IFT140: variants seen among roughly 807,000 people sequenced by gnomAD.
IFT140 encodes the protein intraflagellar transport protein 140 homolog.
Under a neutral mutation model 164.6 loss-of-function variants are expected in IFT140, and 133 were observed. The observed-to-expected ratio is 0.81, with a 90% CI of 0.70 to 0.93. The LOEUF (loss-of-function observed/expected upper bound fraction) is 0.93, where lower values mean the gene tolerates loss of function less well. IFT140 is among the 40% of genes least tolerant of loss of function. IFT140 has a pLI of 0.00. For synonymous variants in IFT140, 860 were observed against 817.3 expected (o/e 1.05, Z -0.89); for missense variants, 2,045 against 1,972.3 (o/e 1.04, Z -0.70).
intron 30 of IFT140, among the ~76,000 whole-genome samples, chr16:1,515,257 G>A (rs1004937539): frequency 1.3e-5 from 2 of 152,118 alleles, no homozygotes; most frequent in Non-Finnish European, 2.9e-5. Flanking sequence ...ACAAATTCAA[G>A]AAGAAAGTCA....
At chr16:1,585,743 G>T (rs1319287400) in intron 10 of IFT140, among the ~76,000 whole-genome samples, 1 of 150,250 alleles carries the variant, frequency 6.7e-6, no homozygotes, top group Admixed American at 6.6e-5. Context: ...AATAGGTTCA[G>T]AGTCATTTAT....
intron 3 of IFT140, among the ~76,000 whole-genome samples, chr16:1,605,069 G>C (rs1442659054): frequency 6.6e-6 from 1 of 152,156 alleles, no homozygotes; most frequent in Non-Finnish European, 1.5e-5. Context: ...GGAGATGTAT[G>C]TCTGCAAGCC....
At chr16:1,594,798 G>A (rs552580977) in intron 4 of IFT140, among the ~76,000 whole-genome samples, 3 of 152,192 alleles carry the variant, frequency 2.0e-5, no homozygotes, top group African/African-American at 4.8e-5. Flanking sequence ...GTCCGTGTGC[G>A]TGGCTCTTCC....
At chr16:1,550,910 T>C (rs927200394) in intron 19 of IFT140, among the ~76,000 whole-genome samples, 5 of 152,222 alleles carry the variant, frequency 3.3e-5, no homozygotes, top group African/African-American at 1.2e-4. Flanking sequence ...AACAGGCCTG[T>C]TGAGTACAGG....
chr16:1,602,310 C>A, intron 4 of IFT140, 60 bp downstream of exon 4: 1 of 1,444,564 alleles, frequency 6.9e-7, no homozygotes, highest in South Asian at 1.2e-5. Flanking sequence ...CTTTCATACT[C>A]TCGAGCATGG....
intron 12 of IFT140, 33 bp from the exon 13 acceptor site, chr16:1,580,883 C>T (rs374985665): frequency 2.6e-5 from 38 of 1,447,134 alleles, no homozygotes; most frequent in Non-Finnish European, 3.2e-5. Flanking sequence ...GGATGGCGGC[C>T]GCTCATCCGC....
At position 1,523,937 on chromosome 16, in the gene IFT140, T is replaced by C. The variant is rs554906198; in HGVS notation, c.3161A>G (p.Gln1054Arg). 6.2e-6 allele frequency: 10 copies of C among 1,612,690 alleles called. No homozygotes were observed. The South Asian group carries it at 1.1e-4, about 18-fold the overall frequency. The change falls in exon 25 of 31, where the codon CAG becomes CGG. Residue 1054 changes from glutamine to arginine, a missense_variant. By Grantham distance (43) the Gln-to-Arg change is conservative. Coordinates refer to ENST00000426508, the MANE Select transcript of IFT140 (RefSeq NM_014714.4). Reference protein sequence around the residue: ...RLCKENGLDDQLMNLALLSSP... With the variant: ...RLCKENGLDDRLMNLALLSSP... The stretch of plus-strand genomic sequence containing the variant: ...GCTCAGCAGGGCCAAGTTCATGAGC[T>C]GGTCGTCCAGGCCGTTCTCCTGCAG...
At chr16:1,517,129 G>C (rs1281865534) in intron 30 of IFT140, among the ~76,000 whole-genome samples, 1 of 152,202 alleles carries the variant, frequency 6.6e-6, no homozygotes, top group East Asian at 1.9e-4. Flanking sequence ...CCAGCACTTT[G>C]GGAGGTGGAG....
At position 1,558,118 on chromosome 16, in the gene IFT140, C is replaced by G; in HGVS notation, c.2216G>C (p.Arg739Thr). The change falls in exon 19 of 31, where the codon AGA becomes ACA. Residue 739 changes from arginine (R) to threonine (T), a missense_variant. Transcript: ENST00000426508. ...YFTRKPEEAD[R>T]EDEVEPGCHH... is the part of the protein sequence containing the mutation. Reference sequence around the variant, plus strand: ...GCACCCAGGCTCCACCTCGTCTTCTCTGTCTGCTTCTTCGGGCTAAATGAC... The same window carrying G: ...GCACCCAGGCTCCACCTCGTCTTCTGTGTCTGCTTCTTCGGGCTAAATGAC... The G allele has an allele frequency of 1.2e-6, 2 of 1,614,136 alleles. No individual in the cohort carries two copies. Among genetic ancestry groups the G allele is most frequent in the South Asian group, 2.2e-5 (2 of 91,084 alleles).
rs1482988685 is a variant in IFT140, at chr16:1,553,508, G to A, written c.2399+4427C>T. On this transcript the variant is annotated intron_variant, in intron 19 of 30. Coordinates refer to ENST00000426508, the MANE Select transcript of IFT140 (RefSeq NM_014714.4). The surrounding 1 kb of genome is among the most constrained non-coding windows in gnomAD (Gnocchi z 4.4). The stretch of plus-strand genomic sequence containing the variant: ...AGCAGTGGGGCTCGGCGTGGCCGGA[G>A]CCTGGGGAGGGACATGGACAAGTCC... 2.0e-6 allele frequency: 2 copies of A among 992,654 alleles called. No individual in the cohort carries two copies. 61.5% of individuals were successfully genotyped at this position (992,654 alleles called of 1,614,324 possible).
chr16:1,513,732 GGT>G, intron 30 of IFT140, among the ~76,000 whole-genome samples: 2 of 150,282 alleles, frequency 1.3e-5, no homozygotes, highest in African/African-American at 2.4e-5. Context: ...GGAGTGCAGT[GGT>G]GCGATCTCTG....
At chr16:1,512,161 G>C (rs1383904053) in intron 30 of IFT140, among the ~76,000 whole-genome samples, 6 of 117,330 alleles carry the variant, frequency 5.1e-5, no homozygotes, top group African/African-American at 2.1e-4. Flanking sequence ...GTGAGGGGTG[G>C]TGGGGGGCAG....
rs547791482 is a variant in IFT140, at chr16:1,512,768, C to T, written c.4183-1618G>A. Among the ~76,000 whole-genome samples the T allele has an allele frequency of 1.5e-3, 221 of 152,246 alleles. 1 individual carries two copies. The highest frequency in any genetic ancestry group is 4.9e-3 in the African/African-American group (202 of 41,548). ...TTGTGCCACCGCACTCCAGCCTGGG[C>T]GACAGAGCAAGACCTCGTCTCAAAA... is the stretch of plus-strand genomic sequence containing the variant. On this transcript the variant is annotated intron_variant, in intron 30 of 30. Coordinates refer to ENST00000426508, the MANE Select transcript of IFT140 (RefSeq NM_014714.4).
chr16:1,571,419 T>A lies in IFT140; in HGVS notation c.1640A>T (p.Asp547Val). ...AAAAAAAATTTACCTTCGGGAAAGA[T>A]CAAAGCTTTTAAAGTGAGCCAAGTC... ...GTDLAHFKSF[D>V]LSRREAKAHC... The change falls in exon 14 of 31, where the codon GAT (aspartate) becomes GTT (valine). Residue 547 changes from aspartate to valine, a missense_variant. Coordinates refer to ENST00000426508, the MANE Select transcript of IFT140 (RefSeq NM_014714.4). The A allele has an allele frequency of 1.2e-6, 2 of 1,611,644 alleles. No homozygotes were observed. Among genetic ancestry groups the A allele is most frequent in the Non-Finnish European group, 1.7e-6 (2 of 1,179,412 alleles).
chr16:1,513,891 T>A (rs1449767995), intron 30 of IFT140, among the ~76,000 whole-genome samples: 2 of 142,012 alleles, frequency 1.4e-5, no homozygotes, highest in African/African-American at 5.4e-5. Flanking sequence ...GCCAAGATGG[T>A]CTCCATCTCC....
intron 29 of IFT140, among the ~76,000 whole-genome samples, chr16:1,519,543 C>T (rs2040457922): frequency 6.6e-6 from 1 of 152,102 alleles, no homozygotes; most frequent in South Asian, 2.1e-4. Context: ...CACACAGCGG[C>T]ACTCACTCAG....
Position 1,526,018 on chromosome 16 carries a change from G to A in IFT140, c.2637C>T (p.Tyr879=), listed in dbSNP as rs745692464. 1 of 1,602,082 alleles carries A rather than the reference G, an allele frequency of 6.2e-7. No homozygotes were observed. Among genetic ancestry groups the A allele is most frequent in the Non-Finnish European group, 8.5e-7 (1 of 1,174,736 alleles). Residue 879 remains tyrosine, a synonymous_variant, in exon 21 of 31, where the codon TAC becomes TAT. Transcript: ENST00000426508. ...CKRHDLLNKF[Y]QAAGRWQEAL... ...CCTCCTGCCACCGGCCCGCAGCCTG[G>A]TAGAACTTGTTCAGGAGGTCGTGGC...
chr16:1,603,727 C>T (rs540860492), intron 3 of IFT140, among the ~76,000 whole-genome samples: 4 of 152,254 alleles, frequency 2.6e-5, no homozygotes, highest in African/African-American at 7.2e-5. Context: ...ATGATCTGCC[C>T]GCCTCGGCCT....
chr16:1,602,650 C>T, intron 3 of IFT140, 59 bp from the exon 4 acceptor site: 1 of 1,530,768 alleles, frequency 6.5e-7, no homozygotes, highest in Non-Finnish European at 8.9e-7. Context: ...CTTTTAAGAA[C>T]TTCTGTCTAG....
Sources: allele counts gnomAD v4.1 joint callset (sites outside exome capture counted in the v4.1 genomes callset), GRCh38; gene constraint gnomAD v4.1.1; non-coding constraint Gnocchi (gnomAD v3.1); transcripts MANE v1.5; gene names NCBI Gene and HGNC (gene_info 2026-07-23, HGNC 2026-07-21).